Variants in PCMT1 observed in about 807,000 individuals in gnomAD.
The protein encoded by PCMT1 is protein-L-isoaspartate(D-aspartate) O-methyltransferase.
A neutral mutation model predicts 29.2 loss-of-function variants in PCMT1; 9 were observed. The observed-to-expected ratio is 0.31, with a 90% CI of 0.19 to 0.54. The LOEUF (loss-of-function observed/expected upper bound fraction) is 0.54. PCMT1 is among the 20% of genes least tolerant of loss of function. The pLI, the probability that PCMT1 is intolerant of heterozygous loss-of-function variation, is 0.95. For missense variants in PCMT1, 184 were observed against 282.2 expected, an observed-to-expected ratio of 0.65 and a Z score of 2.49; for synonymous variants, 98 against 97.5, an observed-to-expected ratio of 1.00 and a Z score of -0.03.
At chr6:149,787,705 A>G (rs576299331) in intron 3 of PCMT1, among the ~76,000 whole-genome samples, 5 of 151,972 alleles carry the variant, frequency 3.3e-5, no homozygotes, top group Admixed American at 6.5e-5. Context: ...ACTTACAGAA[A>G]TATTATGCAG....
intron 5 of PCMT1, 95 bp downstream of exon 5, chr6:149,793,764 T>A (rs1449137548): frequency 1.1e-6 from 1 of 900,944 alleles, no homozygotes; most frequent in African/African-American, 1.8e-5. Flanking sequence ...AATTATTGTA[T>A]TTTTTTTTAC....
intron 4 of PCMT1, among the ~76,000 whole-genome samples, chr6:149,790,631 TTGGTGGGGCATG>T (rs1418775416): frequency 1.3e-5 from 2 of 151,734 alleles, no homozygotes; most frequent in East Asian, 3.9e-4. Context: ...TCTACAGTAC[TTGGTGGGGCATG>T]TGGCTGGGGG....
intron 1 of PCMT1, among the ~76,000 whole-genome samples, chr6:149,756,283 T>TTTCTAA (rs3039628): frequency 0.53 from 80,468 of 151,348 alleles, 24,566 homozygotes; most frequent in East Asian, 0.83. Context: ...ATGAAATTAT[T>TTTCTAA]TTCTATCTAC....
chr6:149,805,364 C>A (rs76955048), intron 7 of PCMT1, among the ~76,000 whole-genome samples: 1 of 151,838 alleles, frequency 6.6e-6, no homozygotes, highest in Admixed American at 6.6e-5. Context: ...GAGGCCAAGG[C>A]GGGCAGATCA....
At chr6:149,786,031 G>T (rs543996407) in intron 3 of PCMT1, among the ~76,000 whole-genome samples, 3 of 145,700 alleles carry the variant, frequency 2.1e-5, no homozygotes, top group South Asian at 4.3e-4. Flanking sequence ...CTGGCCGGGC[G>T]GGGGGCTGAC....
At chr6:149,795,149 C>T (rs552558008) in intron 5 of PCMT1, 39 of 300,984 alleles carry the variant, frequency 1.3e-4, no homozygotes, top group South Asian at 2.7e-4. Flanking sequence ...GCTGAGATCA[C>T]GCCATTGCAC....
chr6:149,760,876 T>C (rs370485211), intron 1 of PCMT1, among the ~76,000 whole-genome samples: 13 of 152,002 alleles, frequency 8.6e-5, no homozygotes, highest in African/African-American at 2.7e-4. Context: ...AAAAAGAGCA[T>C]GTTCTGGAAG....
intron 1 of PCMT1, among the ~76,000 whole-genome samples, chr6:149,756,149 C>A (rs568761943): frequency 6.6e-6 from 1 of 152,174 alleles, no homozygotes; most frequent in South Asian, 2.1e-4. Context: ...TGTGGGAGAT[C>A]AGATTATTTT....
In PCMT1 at chr6:149,762,548, G is replaced by GATAT. The variant is rs71010873; in HGVS notation, c.56-8605_56-8602dup. Among the ~76,000 whole-genome samples the GATAT allele has an allele frequency of 5.0e-4, 4 of 8,070 alleles. 1 individual carries two copies. The highest frequency in any genetic ancestry group is 1.6e-4 in the Non-Finnish European group (1 of 6,156). 5.3% of individuals were successfully genotyped at this position (8,070 alleles called of 152,430 possible). A position where few individuals can be genotyped will look rare whatever the true frequency, so the allele number is the denominator to read the frequency against. On this transcript the variant is annotated intron_variant, in intron 1 of 7. Coordinates refer to ENST00000464889, the MANE Select transcript of PCMT1 (RefSeq NM_001360452.2). ...ATATATCTATGATATATATATCTAT[G>GATAT]ATATATATATATCTATGATATATAT...
At chr6:149,807,603 T>C (rs1228081994) in intron 7 of PCMT1, among the ~76,000 whole-genome samples, 1 of 152,118 alleles carries the variant, frequency 6.6e-6, no homozygotes, top group African/African-American at 2.4e-5. Flanking sequence ...ACTCCTGACA[T>C]CAAGTGATCC....
chr6:149,802,611 T>G (rs1196656799), intron 7 of PCMT1, 195 bp downstream of exon 7: 1 of 694,026 alleles, frequency 1.4e-6, no homozygotes, highest in Non-Finnish European at 1.9e-6. Context: ...CAAAGGCTTT[T>G]TTTGTTTGTT....
intron 3 of PCMT1, among the ~76,000 whole-genome samples, chr6:149,786,491 A>T: frequency 9.0e-6 from 1 of 111,414 alleles, no homozygotes; most frequent in Non-Finnish European, 1.8e-5. Context: ...GGTGGCTGCC[A>T]GGCGGAGGGG....
rs1776147318 is a variant in PCMT1 at position 149,811,138 on chromosome 6, A to G, written c.*560A>G. On this transcript the variant is annotated 3_prime_UTR_variant, in exon 8 of 8. Coordinates refer to ENST00000464889, the MANE Select transcript of PCMT1 (RefSeq NM_001360452.2). Reference sequence around the variant, plus strand: ...AGAATAGCATGTTGTAGATACAATCAGCTGCTTTGTTACCTTAAAACTAGG... The same window carrying G: ...AGAATAGCATGTTGTAGATACAATCGGCTGCTTTGTTACCTTAAAACTAGG... 1 of 152,826 alleles carries G rather than the reference A, an allele frequency of 6.5e-6. No homozygotes were observed. Among genetic ancestry groups the G allele is most frequent in the Admixed American group, 6.5e-5 (1 of 15,294 alleles). The allele number at this position is 152,826 out of a possible 1,614,324, so 9.5% of individuals were successfully genotyped here.
intron 3 of PCMT1, among the ~76,000 whole-genome samples, chr6:149,778,563 G>A (rs1018828640): frequency 6.7e-6 from 1 of 149,242 alleles, no homozygotes; most frequent in African/African-American, 2.5e-5. Flanking sequence ...TTTAAGACAG[G>A]GTGTTGCTTT....
At chr6:149,772,148 C>G in intron 2 of PCMT1, 1 of 455,670 alleles carries the variant, frequency 2.2e-6, no homozygotes, top group Non-Finnish European at 4.4e-6. Flanking sequence ...TTTTGACGCA[C>G]TATAACAGTC....
rs1210743166 is a variant in PCMT1 at position 149,763,280 on chromosome 6, A to G, written c.56-7882A>G. On this transcript the variant is annotated intron_variant, in intron 1 of 7. Coordinates refer to ENST00000464889, the MANE Select transcript of PCMT1 (RefSeq NM_001360452.2). ...TATGATATCTATGATATAAATATCT[A>G]TGATATCTATGATATATATATCTAT... 8.2e-4 allele frequency among the ~76,000 whole-genome samples: 59 copies of G among 71,958 alleles called. 11 individuals are homozygous for G. The highest frequency in any genetic ancestry group is 1.2e-3 in the Non-Finnish European group (53 of 45,816). The allele number at this position is 71,958 out of a possible 152,430, so 47.2% of individuals were successfully genotyped here. A position where few individuals can be genotyped will look rare whatever the true frequency, so the allele number is the denominator to read the frequency against.
chr6:149,784,044 G>T (rs1259184189), intron 3 of PCMT1, among the ~76,000 whole-genome samples: 1 of 152,198 alleles, frequency 6.6e-6, no homozygotes, highest in Non-Finnish European at 1.5e-5. Context: ...AAAGTGGTAG[G>T]TGGAGGGAGA....
At chr6:149,774,234 C>T (rs1352994915) in intron 3 of PCMT1, among the ~76,000 whole-genome samples, 1 of 150,456 alleles carries the variant, frequency 6.6e-6, no homozygotes, top group Admixed American at 6.6e-5. Context: ...CTTTTCTTTT[C>T]TTTTTCTTTT....
rs758763218 is a variant in PCMT1 at position 149,749,761 on chromosome 6, G to T, written c.-141G>T. 1.6e-5 allele frequency: 24 copies of T among 1,547,028 alleles called. No individual in the cohort carries two copies. Among genetic ancestry groups the T allele is most frequent in the Non-Finnish European group, 1.6e-5 (18 of 1,144,972 alleles). On this transcript the variant is annotated 5_prime_UTR_variant, in exon 1 of 8. Coordinates refer to ENST00000464889, the MANE Select transcript of PCMT1 (RefSeq NM_001360452.2). ...AGCGCGCAGTGGCGGCAGCGGCGGCGACGGCAGTAACAGCGGCAGCTACAG... is the reference window on the plus strand; with the variant it reads ...AGCGCGCAGTGGCGGCAGCGGCGGCTACGGCAGTAACAGCGGCAGCTACAG...
Sources: gnomAD v4.1 joint callset for allele counts (sites outside exome capture counted in the v4.1 genomes callset) on GRCh38, gnomAD v4.1.1 for gene constraint, MANE v1.5 for transcripts, NCBI Gene and HGNC (gene_info 2026-07-23, HGNC 2026-07-21) for gene names.